The following PRAG1 variants were observed in gnomAD, a reference collection of about 807,000 sequenced individuals.
PRAG1 encodes the protein inactive tyrosine-protein kinase PRAG1.
In PRAG1, 110 loss-of-function variants were observed where a neutral mutation model predicts 95.6. The ratio of observed to expected loss-of-function variants is 1.15; its 90% CI spans 0.99 to 1.35. The LOEUF (loss-of-function observed/expected upper bound fraction) is 1.35. PRAG1 is among the 40% of genes most tolerant of loss of function. The probability of loss-of-function intolerance (pLI) is 0.00; values close to 1 mark genes in which losing one functional copy is unlikely to be tolerated. For synonymous variants in PRAG1, 1,052 were observed against 819.4 expected (o/e 1.28, Z -4.85); for missense variants, 2,554 against 1,864.7 (o/e 1.37, Z -6.81).
chr8:8,359,439 C>T (rs570062205), intron 3 of PRAG1, among the ~76,000 whole-genome samples: 11 of 152,230 alleles, frequency 7.2e-5, no homozygotes, highest in Admixed American at 3.3e-4. Flanking sequence ...TTCTATTGAC[C>T]GGACCATCCT....
chr8:8,365,342 G>A (rs183448072), intron 3 of PRAG1, among the ~76,000 whole-genome samples: 9 of 152,186 alleles, frequency 5.9e-5, no homozygotes, highest in East Asian at 3.9e-4. Flanking sequence ...TCAATACAAC[G>A]GCTGGACATG....
At chr8:8,360,807 T>C (rs1250980834) in intron 3 of PRAG1, among the ~76,000 whole-genome samples, 2 of 152,236 alleles carry the variant, frequency 1.3e-5, no homozygotes, top group Admixed American at 6.5e-5. Context: ...AGGGTGCTGA[T>C]TGCTGAATCC....
At chr8:8,339,007 T>C (rs1799079579) in intron 4 of PRAG1, among the ~76,000 whole-genome samples, 1 of 152,176 alleles carries the variant, frequency 6.6e-6, no homozygotes, top group African/African-American at 2.4e-5. Context: ...TGGCCTAATG[T>C]AGTCTTCATG....
intron 1 of PRAG1, among the ~76,000 whole-genome samples, chr8:8,382,351 T>A (rs1037307578): frequency 6.6e-6 from 1 of 152,166 alleles, no homozygotes; most frequent in East Asian, 1.9e-4. Context: ...GAAAGGTGCA[T>A]TGTAATCCAC....
At position 8,377,893 on chromosome 8, in the gene PRAG1, C is replaced by T. The variant is rs1337232488; in HGVS notation, c.516G>A (p.Glu172=). 3.7e-6 allele frequency: 6 copies of T among 1,613,992 alleles called. No individual in the cohort carries two copies. Among genetic ancestry groups the T allele is most frequent in the Admixed American group, 3.3e-5 (2 of 60,000 alleles). ...TCACCGGGTGGAAGGCAATGTTCCT[C>T]TCGCCGCGGGGCTCAAGGTTGTGCA... ...VGLHNLEPRG[E]RNIAFHPVSF... is the part of the protein sequence containing the mutation. Residue 172 remains glutamate (E), a synonymous_variant, in exon 3 of 6, where the codon GAG becomes GAA. Coordinates refer to ENST00000615670, the MANE Select transcript of PRAG1 (RefSeq NM_001080826.3).
intron 3 of PRAG1, among the ~76,000 whole-genome samples, chr8:8,342,655 A>G (rs921884296): frequency 1.3e-5 from 2 of 152,214 alleles, no homozygotes; most frequent in African/African-American, 4.8e-5. Context: ...CACAGACCCA[A>G]GAAACAGACT....
intron 4 of PRAG1, among the ~76,000 whole-genome samples, chr8:8,328,884 A>G (rs1367949340): frequency 1.3e-5 from 2 of 152,242 alleles, no homozygotes; most frequent in African/African-American, 2.4e-5. Flanking sequence ...TAAATCAAAT[A>G]TGCAGATCTA....
At chr8:8,325,410 C>A (rs1337269484) in intron 5 of PRAG1, among the ~76,000 whole-genome samples, 2 of 152,152 alleles carry the variant, frequency 1.3e-5, no homozygotes, top group Non-Finnish European at 2.9e-5. Context: ...GAAACCCCTG[C>A]GGCTCCTGTT....
intron 3 of PRAG1, among the ~76,000 whole-genome samples, chr8:8,348,941 T>C (rs999496143): frequency 6.6e-6 from 1 of 152,238 alleles, no homozygotes; most frequent in African/African-American, 2.4e-5. Context: ...TATCTGCCTC[T>C]GTTTTGAGGC....
rs779959546 is a variant in PRAG1 at position 8,318,663 on chromosome 8, G to T, written c.3712C>A (p.Arg1238=). The T allele has an allele frequency of 6.2e-7, 1 of 1,611,582 alleles. No homozygotes were observed. ...GCAGACACGATCTCGGGGGCCAGCC[G>T]GGCCTGGCTCTTCTTCTGCTGCAGG... The part of the protein sequence containing the change: ...PNLQQKKSQA[R]LAPEIVSASQ... Residue 1238 remains arginine, a synonymous_variant, in exon 6 of 6, where the codon CGG becomes AGG. Transcript: ENST00000615670. The surrounding 1 kb of genome is among the most constrained non-coding windows in gnomAD (Gnocchi z 4.2).
rs1330754832 is a variant in PRAG1 at position 8,381,724 on chromosome 8, G to C, written c.24C>G (p.Asn8Lys). 1 of 1,599,608 alleles carries C rather than the reference G, an allele frequency of 6.3e-7. No homozygotes were observed. The highest frequency in any genetic ancestry group is 8.5e-7 in the Non-Finnish European group (1 of 1,169,788). MHQTLCLNPESLKMSACS... is the reference protein window; with the variant it reads MHQTLCLKPESLKMSACS... The stretch of plus-strand genomic sequence containing the variant: ...ACGCAGACATTTTCAGGCTCTCGGG[G>C]TTCAGGCAGAGGGTCTGGTGCATCT... Residue 8 changes from asparagine to lysine, a missense_variant, in exon 2 of 6, where the codon AAC (asparagine) becomes AAG (lysine). By Grantham distance (94) the Asn-to-Lys change is moderately conservative. Transcript: ENST00000615670.
At position 8,378,091 on chromosome 8, in the gene PRAG1, C is replaced by T. The variant is rs748366238; in HGVS notation, c.331-13G>A. The T allele has an allele frequency of 2.0e-6, 3 of 1,514,748 alleles. No homozygotes were observed. Among genetic ancestry groups the T allele is most frequent in the South Asian group, 2.7e-5 (2 of 75,302 alleles). 93.8% of individuals were successfully genotyped at this position (1,514,748 alleles called of 1,614,324 possible). ...GTCTCCAGATGACCTACACACAAGC[C>T]CAACGCAAAAAGACTTATATTAGAA... On this transcript the variant is annotated splice_polypyrimidine_tract_variant and intron_variant, in intron 2 of 5. Coordinates refer to ENST00000615670, the MANE Select transcript of PRAG1 (RefSeq NM_001080826.3).
chr8:8,369,346 G>A (rs966433973), intron 3 of PRAG1, among the ~76,000 whole-genome samples: 3 of 152,144 alleles, frequency 2.0e-5, no homozygotes, highest in Admixed American at 1.3e-4. Flanking sequence ...AGATGCAAAC[G>A]TGGACCCATT....
intron 3 of PRAG1, among the ~76,000 whole-genome samples, chr8:8,340,810 A>G (rs1241850241): frequency 6.6e-6 from 1 of 152,120 alleles, no homozygotes; most frequent in African/African-American, 2.4e-5. Flanking sequence ...AACCCTTAGA[A>G]TCGTACTTTT....
At chr8:8,348,584 AC>A (rs1409571261) in intron 3 of PRAG1, among the ~76,000 whole-genome samples, 1 of 152,038 alleles carries the variant, frequency 6.6e-6, no homozygotes, top group Admixed American at 6.6e-5. Context: ...TCTCCAAAGC[AC>A]CAAAGTGCTC....
rs371899149 is a variant in PRAG1 at position 8,318,356 on chromosome 8, G to A, written c.4019C>T (p.Pro1340Leu). The change falls in exon 6 of 6, where the codon CCG becomes CTG. Residue 1340 changes from proline to leucine, a missense_variant. Transcript: ENST00000615670. This position sits in a 1 kb window ranked among gnomAD's most constrained non-coding sequence, Gnocchi z 4.2. Reference protein sequence around the residue: ...WGPRRELVQQPGTSEEALCGT... With the variant: ...WGPRRELVQQLGTSEEALCGT... ...GCACAGCGCCTCCTCCGAGGTGCCC[G>A]GCTGCTGCACCAGCTCGCGCCGAGG... The A allele has an allele frequency of 1.6e-5, 26 of 1,613,764 alleles. No individual in the cohort carries two copies. The highest frequency in any genetic ancestry group is 1.9e-5 in the Non-Finnish European group (23 of 1,179,866).
intron 2 of PRAG1, among the ~76,000 whole-genome samples, chr8:8,379,510 A>G (rs1265343971): frequency 6.6e-6 from 1 of 152,194 alleles, no homozygotes; most frequent in African/African-American, 2.4e-5. Context: ...GCAGCTTAGG[A>G]AAAAACAGAG....
chr8:8,353,860 AGTAGTAGTG>A (rs1264454532), intron 3 of PRAG1, among the ~76,000 whole-genome samples: 1 of 152,094 alleles, frequency 6.6e-6, no homozygotes, highest in South Asian at 2.1e-4. Context: ...AAGTAGTAGT[AGTAGTAGTG>A]GTAGTAGTAG....
At chr8:8,334,998 G>C (rs566737247) in intron 4 of PRAG1, among the ~76,000 whole-genome samples, 2 of 152,046 alleles carry the variant, frequency 1.3e-5, no homozygotes, top group South Asian at 4.2e-4. Flanking sequence ...TTGAACCCTG[G>C]AGGTGGGGCT....
Sources: gnomAD v4.1 joint callset for allele counts (sites outside exome capture counted in the v4.1 genomes callset) on GRCh38, gnomAD v4.1.1 for gene constraint, Gnocchi (gnomAD v3.1) non-coding constraint, MANE v1.5 for transcripts, NCBI Gene and HGNC (gene_info 2026-07-23, HGNC 2026-07-21) for gene names.